Variants in NEK7 observed in about 807,000 individuals in gnomAD.
The protein encoded by NEK7 is serine/threonine-protein kinase Nek7.
In NEK7, 18 loss-of-function variants were observed where a neutral mutation model predicts 44.6. The ratio of observed to expected loss-of-function variants is 0.40; its 90% CI spans 0.28 to 0.60. The LOEUF is 0.60. Among genes scored for constraint, NEK7 ranks in the 20% least tolerant of loss-of-function variants. The pLI is 0.38. For missense variants in NEK7, 256 were observed against 366.5 expected (o/e 0.70, Z 2.46); for synonymous variants, 130 against 121.1 (o/e 1.07, Z -0.48).
chr1:198,177,489 C>A (rs1664638719), intron 1 of NEK7, among the ~76,000 whole-genome samples: 1 of 151,982 alleles, frequency 6.6e-6, no homozygotes, highest in Non-Finnish European at 1.5e-5. Flanking sequence ...CACATATGAG[C>A]TCTTCAAAAA....
chr1:198,215,948 C>T (rs1189352630), intron 1 of NEK7, among the ~76,000 whole-genome samples: 1 of 152,112 alleles, frequency 6.6e-6, no homozygotes, highest in African/African-American at 2.4e-5. Flanking sequence ...GATAGCAACA[C>T]AACAGTAGTT....
chr1:198,273,221 C>A (rs1199750522), intron 5 of NEK7, among the ~76,000 whole-genome samples: 1 of 151,560 alleles, frequency 6.6e-6, no homozygotes, highest in Non-Finnish European at 1.5e-5. Flanking sequence ...ACTGTCAGGC[C>A]CATCCTACTT....
intron 5 of NEK7, among the ~76,000 whole-genome samples, chr1:198,276,970 A>G (rs1654035688): frequency 6.6e-6 from 1 of 151,778 alleles, no homozygotes; most frequent in Non-Finnish European, 1.5e-5. Context: ...ATTTAGTTGG[A>G]CTTCTCAAAA....
At position 198,278,080 on chromosome 1, in the gene NEK7, A is replaced by C. The variant is rs1168893798; in HGVS notation, c.481+11A>C. On this transcript the variant is annotated intron_variant, in intron 6 of 9. Transcript: ENST00000367385. ...GAGTCATGCATAGAGGTAAGATAAA[A>C]TCATTAAGTACTTTTAATCTTGTTT... The C allele has an allele frequency of 8.2e-6, 11 of 1,344,874 alleles. No homozygotes were observed. Among genetic ancestry groups the C allele is most frequent in the Non-Finnish European group, 1.2e-5 (11 of 940,506 alleles). The allele number at this position is 1,344,874 out of a possible 1,614,324, so 83.3% of individuals were successfully genotyped here.
chr1:198,194,324 A>C (rs1215451671), intron 1 of NEK7, among the ~76,000 whole-genome samples: 1 of 147,182 alleles, frequency 6.8e-6, no homozygotes, highest in Non-Finnish European at 1.5e-5. Context: ...AGTTCGGGGC[A>C]TGTGGCAGGT....
chr1:198,240,555 T>C (rs543355230), intron 2 of NEK7, among the ~76,000 whole-genome samples: 12 of 152,336 alleles, frequency 7.9e-5, no homozygotes, highest in Middle Eastern at 3.4e-3. Context: ...ATCATTGTTT[T>C]TTTGAAGGTG....
intron 1 of NEK7, among the ~76,000 whole-genome samples, chr1:198,228,211 T>C (rs940923976): frequency 5.3e-5 from 8 of 152,172 alleles, no homozygotes; most frequent in African/African-American, 1.9e-4. Flanking sequence ...GGCTCTGTTC[T>C]GTTCCATTGG....
intron 1 of NEK7, among the ~76,000 whole-genome samples, chr1:198,203,908 G>C (rs571548627): frequency 6.6e-6 from 1 of 151,800 alleles, no homozygotes; most frequent in South Asian, 2.1e-4. Context: ...TTTTTTCATA[G>C]ATCCTTTTTG....
At chr1:198,304,380 T>C (rs1654970162) in intron 9 of NEK7, among the ~76,000 whole-genome samples, 1 of 152,222 alleles carries the variant, frequency 6.6e-6, no homozygotes, top group Admixed American at 6.5e-5. Context: ...AATCATTTTG[T>C]ATGAATATCT....
At position 198,233,418 on chromosome 1, in the gene NEK7, G is replaced by A. The variant is rs148175056; in HGVS notation, c.57+781G>A. 6.9e-3 allele frequency among the ~76,000 whole-genome samples: 1,056 copies of A among 152,166 alleles called. 6 individuals carry two copies. The highest frequency in any genetic ancestry group is 0.011 in the Non-Finnish European group (735 of 68,010). On this transcript the variant is annotated intron_variant, in intron 2 of 9. Transcript: ENST00000367385. The stretch of plus-strand genomic sequence containing the variant: ...ATAACAGTTGCCACCCCATGTCAGG[G>A]CAATACCTCATTTTTATTGCTGTTG...
At chr1:198,260,236 T>C (rs1291576795) in intron 3 of NEK7, among the ~76,000 whole-genome samples, 2 of 152,116 alleles carry the variant, frequency 1.3e-5, no homozygotes, top group Non-Finnish European at 2.9e-5. Context: ...ATAAATAGTG[T>C]CATATGGTTT....
chr1:198,313,024 A>G (rs1655240223), intron 9 of NEK7, among the ~76,000 whole-genome samples: 1 of 151,834 alleles, frequency 6.6e-6, no homozygotes, highest in Non-Finnish European at 1.5e-5. Flanking sequence ...GATCTGTCTA[A>G]TGTTGACAGT....
At chr1:198,210,616 C>A (rs1665733267) in intron 1 of NEK7, among the ~76,000 whole-genome samples, 2 of 127,598 alleles carry the variant, frequency 1.6e-5, no homozygotes, top group South Asian at 5.4e-4. Flanking sequence ...ATGAAAAAAT[C>A]TTGATATCAT....
At chr1:198,247,692 A>G (rs1433667772) in intron 2 of NEK7, among the ~76,000 whole-genome samples, 1 of 152,142 alleles carries the variant, frequency 6.6e-6, no homozygotes, top group African/African-American at 2.4e-5. Context: ...GAAGAAAACA[A>G]TGTACAATAA....
chr1:198,172,258 T>C (rs1664472820), intron 1 of NEK7, among the ~76,000 whole-genome samples: 1 of 152,178 alleles, frequency 6.6e-6, no homozygotes, highest in African/African-American at 2.4e-5. Flanking sequence ...CTCTGAACTT[T>C]GAGTAGCTGT....
chr1:198,159,851 A>T (rs531840089), intron 1 of NEK7, among the ~76,000 whole-genome samples: 1 of 152,252 alleles, frequency 6.6e-6, no homozygotes, highest in South Asian at 2.1e-4. Context: ...CTGATTAATA[A>T]ATTTAAAAAA....
At chr1:198,231,323 A>G (rs1037543704) in intron 1 of NEK7, among the ~76,000 whole-genome samples, 30 of 143,694 alleles carry the variant, frequency 2.1e-4, no homozygotes, top group African/African-American at 5.7e-4. Context: ...ATATATATAT[A>G]TATATATATA....
At chr1:198,175,951 G>T (rs910160476) in intron 1 of NEK7, among the ~76,000 whole-genome samples, 3 of 152,190 alleles carry the variant, frequency 2.0e-5, no homozygotes, top group Non-Finnish European at 4.4e-5. Context: ...ATAATGATGT[G>T]AGACCTTGCT....
chr1:198,298,965 C>T (rs1571614321), intron 9 of NEK7, among the ~76,000 whole-genome samples: 2 of 152,330 alleles, frequency 1.3e-5, no homozygotes, highest in East Asian at 1.9e-4. Context: ...TATGCGGATT[C>T]TCAGCCAAGG....
Sources: gnomAD v4.1 joint callset for allele counts (sites outside exome capture counted in the v4.1 genomes callset) on GRCh38, gnomAD v4.1.1 for gene constraint, MANE v1.5 for transcripts, NCBI Gene and HGNC (gene_info 2026-07-23, HGNC 2026-07-21) for gene names.